CLCC1: variants seen among roughly 807,000 people sequenced by gnomAD.
The protein encoded by CLCC1 is chloride channel CLIC like 1, also known as chloride channel CLIC-like protein 1.
In CLCC1, 39 loss-of-function variants were observed where a neutral mutation model predicts 63.3. The observed-to-expected ratio is 0.62, with a 90% confidence interval of 0.48 to 0.81. The LOEUF (loss-of-function observed/expected upper bound fraction) is 0.81. Among genes scored for constraint, CLCC1 ranks in the 30% least tolerant of loss-of-function variants. The pLI is 0.00. For missense variants in CLCC1, 549 were observed against 669.4 expected (o/e 0.82, Z 1.98); for synonymous variants, 217 against 239.8 (o/e 0.90, Z 0.88).
At chr1:108,947,549 T>C in intron 5 of CLCC1, 62 bp downstream of exon 5, 1 of 970,468 alleles carries the variant, frequency 1.0e-6, no homozygotes, top group Non-Finnish European at 1.5e-6. Flanking sequence ...CTTCATATTA[T>C]TTGAAATTAA....
In CLCC1 at chr1:108,963,342, C is replaced by T. The variant is rs758464405; in HGVS notation, c.-173+19G>A. On this transcript the variant is annotated intron_variant, in intron 1 of 12. Transcript: ENST00000369969. ...CCCGCCCCACCCGCCGCACAACACA[C>T]CCAACTGCACGGACTCACGTCCGGG... 1.4e-5 allele frequency: 10 copies of T among 701,252 alleles called. No individual in the cohort carries two copies. Among genetic ancestry groups the T allele is most frequent in the South Asian group, 1.2e-4 (8 of 67,504 alleles). 43.4% of individuals were successfully genotyped at this position (701,252 alleles called of 1,614,324 possible).
chr1:108,934,455 A>G, intron 12 of CLCC1, 170 bp downstream of exon 12: 1 of 533,816 alleles, frequency 1.9e-6, no homozygotes, highest in East Asian at 2.9e-5. Flanking sequence ...GGATGTAAAT[A>G]TCAAAGAGAA....
intron 12 of CLCC1, 80 bp from the exon 13 acceptor site, chr1:108,932,581 A>C (rs1217145255): frequency 6.6e-6 from 1 of 152,208 alleles, no homozygotes; most frequent in South Asian, 2.1e-4. Flanking sequence ...AAGGCATGCA[A>C]GCAGCATTAA....
chr1:108,958,457 CGT>C (rs1164689111), intron 2 of CLCC1, among the ~76,000 whole-genome samples: 17 of 151,540 alleles, frequency 1.1e-4, no homozygotes, highest in African/African-American at 4.2e-4. Flanking sequence ...TATCTCAGTG[CGT>C]GTGTTCAAGG....
chr1:108,933,457 T>C (rs543342356), intron 12 of CLCC1: 6 of 150,938 alleles, frequency 4.0e-5, no homozygotes, highest in African/African-American at 1.5e-4. Flanking sequence ...ATTACATTGT[T>C]ACAGGCACGT....
rs144141792 is a variant in CLCC1 at position 108,934,846 on chromosome 1, C to T, written c.1480G>A (p.Ala494Thr). Residue 494 changes from alanine to threonine, a missense_variant, in exon 12 of 13, where the codon GCC (alanine) becomes ACC (threonine). Ala to Thr is a moderately conservative substitution (Grantham distance 58, BLOSUM62 0). Coordinates refer to ENST00000369969, the MANE Select transcript of CLCC1 (RefSeq NM_001377458.1). ...GTGTCTTGGCCAGAGACAGGCTTGG[C>T]CGACTGGCTGCTTTCAGTACTGCTT... is the stretch of plus-strand genomic sequence containing the variant. ...KESSTESSQS[A>T]KPVSGQDTSG... The T allele has an allele frequency of 1.0e-4, 165 of 1,614,068 alleles. No individual in the cohort carries two copies. In the African/African-American group the frequency reaches 1.9e-3, roughly 19 times the overall value.
intron 9 of CLCC1, 111 bp downstream of exon 9, chr1:108,939,934 T>C (rs1653619574): frequency 3.1e-6 from 4 of 1,277,668 alleles, no homozygotes; most frequent in African/African-American, 1.5e-5. Flanking sequence ...TGCAAAAGTA[T>C]TTTTTCTTGG....
chr1:108,963,417 A>T lies in CLCC1; in HGVS notation c.-229T>A. On this transcript the variant is annotated 5_prime_UTR_variant, in exon 1 of 13. Transcript: ENST00000369969. ...GACACCTGCCCAGGCCGGCCGCAGAAGAGGTCGCACAGCTTGCCGCCGCCC... is the reference window on the plus strand; with the variant it reads ...GACACCTGCCCAGGCCGGCCGCAGATGAGGTCGCACAGCTTGCCGCCGCCC... 1.4e-6 allele frequency: 1 copy of T among 702,472 alleles called. No individual in the cohort carries two copies. Among genetic ancestry groups the T allele is most frequent in the Non-Finnish European group, 2.6e-6 (1 of 384,908 alleles). The allele number at this position is 702,472 out of a possible 1,614,324, so 43.5% of individuals were successfully genotyped here. A position where few individuals can be genotyped will look rare whatever the true frequency, so the allele number is the denominator to read the frequency against.
In CLCC1 at chr1:108,932,545, T is replaced by G. The variant is rs141897722; in HGVS notation, c.*46-44A>C. 1.4e-3 allele frequency: 215 copies of G among 152,342 alleles called. 1 individual carries two copies. The highest frequency in any genetic ancestry group is 4.9e-3 in the African/African-American group (204 of 41,578). 9.4% of individuals were successfully genotyped at this position (152,342 alleles called of 1,614,324 possible). On this transcript the variant is annotated intron_variant, in intron 12 of 12. Coordinates refer to ENST00000369969, the MANE Select transcript of CLCC1 (RefSeq NM_001377458.1). ...AAGGTGAAATTTTATTTAAAAATTTTTTAAAAGAATTTGGTTTTGGATTAA... is the reference window on the plus strand; with the variant it reads ...AAGGTGAAATTTTATTTAAAAATTTGTTAAAAGAATTTGGTTTTGGATTAA...
chr1:108,947,477 A>G, intron 5 of CLCC1, 134 bp downstream of exon 5: 1 of 585,364 alleles, frequency 1.7e-6, no homozygotes. Flanking sequence ...CTGAATGAAT[A>G]GCTTCTGGTT....
At chr1:108,950,644 G>A (rs1055721507) in intron 2 of CLCC1, among the ~76,000 whole-genome samples, 196 bp from the exon 3 acceptor site, 1 of 151,750 alleles carries the variant, frequency 6.6e-6, no homozygotes, top group Non-Finnish European at 1.5e-5. Flanking sequence ...GGCTAGCTGG[G>A]ACTACAGGTG....
intron 10 of CLCC1, among the ~76,000 whole-genome samples, chr1:108,939,183 A>G (rs1419184135): frequency 1.3e-5 from 1 of 77,868 alleles, no homozygotes; most frequent in Non-Finnish European, 2.5e-5. Flanking sequence ...CTGACAGTGC[A>G]TATATATATA....
intron 11 of CLCC1, 40 bp from the exon 12 acceptor site, chr1:108,934,982 T>C: frequency 6.5e-7 from 1 of 1,540,722 alleles, no homozygotes; most frequent in Non-Finnish European, 8.8e-7. Flanking sequence ...TTTAATGTAA[T>C]GTGAAGTCTT....
intron 5 of CLCC1, among the ~76,000 whole-genome samples, chr1:108,947,217 C>T (rs1379157775): frequency 6.6e-6 from 1 of 152,072 alleles, no homozygotes; most frequent in Non-Finnish European, 1.5e-5. Context: ...TATAAAGTAG[C>T]ACTCACCACA....
At chr1:108,954,817 C>CGTGTGT (rs58482013) in intron 2 of CLCC1, among the ~76,000 whole-genome samples, 5,620 of 140,556 alleles carry the variant, frequency 0.04, 164 homozygotes, top group Middle Eastern at 0.061. Context: ...ACTGTCTTTG[C>CGTGTGT]GTGTGTGTGT....
rs900946976 is a variant in CLCC1, at chr1:108,939,950, C to T, written c.894+95G>A. On this transcript the variant is annotated intron_variant, in intron 9 of 12. Coordinates refer to ENST00000369969, the MANE Select transcript of CLCC1 (RefSeq NM_001377458.1). Reference sequence around the variant, plus strand: ...GCAAAAGTATTTTTTCTTGGACAAACGCTTATTAGCAAAATGACTCAAACA... The same window carrying T: ...GCAAAAGTATTTTTTCTTGGACAAATGCTTATTAGCAAAATGACTCAAACA... 1.7e-5 allele frequency: 22 copies of T among 1,268,492 alleles called. No homozygotes were observed. In the South Asian group the frequency reaches 2.3e-4, roughly 13 times the overall value. The allele number at this position is 1,268,492 out of a possible 1,614,324, so 78.6% of individuals were successfully genotyped here. A position where few individuals can be genotyped will look rare whatever the true frequency, so the allele number is the denominator to read the frequency against.
intron 2 of CLCC1, among the ~76,000 whole-genome samples, chr1:108,950,853 A>C (rs574476246): frequency 2.3e-4 from 35 of 152,176 alleles, no homozygotes; most frequent in Non-Finnish European, 4.6e-4. Context: ...TTCTAGAGTT[A>C]AGATAACACT....
chr1:108,936,968 T>A (rs757218905), intron 11 of CLCC1, 109 bp downstream of exon 11: 101 of 666,196 alleles, frequency 1.5e-4, no homozygotes, highest in Middle Eastern at 4.6e-4. Flanking sequence ...GTATCACTCA[T>A]GATATAATTA....
At chr1:108,951,372 A>AC (rs1655160980) in intron 2 of CLCC1, among the ~76,000 whole-genome samples, 1 of 152,142 alleles carries the variant, frequency 6.6e-6, no homozygotes, top group Admixed American at 6.5e-5. Flanking sequence ...ACAGAGTGGG[A>AC]CCCCCATCAC....
Sources: allele counts gnomAD v4.1 joint callset (sites outside exome capture counted in the v4.1 genomes callset), GRCh38; gene constraint gnomAD v4.1.1; transcripts MANE v1.5; gene names NCBI Gene and HGNC (gene_info 2026-07-23, HGNC 2026-07-21).